The following VPS54 variants were observed in gnomAD, a reference collection of about 807,000 sequenced individuals.
VPS54 encodes vacuolar protein sorting-associated protein 54.
A neutral mutation model predicts 121.5 loss-of-function variants in VPS54; 45 were observed. The ratio of observed to expected loss-of-function variants is 0.37; its 90% CI spans 0.29 to 0.47. The LOEUF (loss-of-function observed/expected upper bound fraction) is 0.47, where lower values mean the gene tolerates loss of function less well. Ranked by LOEUF, VPS54 falls within the 20% of genes least tolerant of loss-of-function variation. The pLI, the probability that VPS54 is intolerant of heterozygous loss-of-function variation, is 0.99. For missense variants in VPS54, 1,090 were observed against 1,131.4 expected (o/e 0.96, Z 0.52); for synonymous variants, 371 against 385.8 (o/e 0.96, Z 0.45).
At chr2:63,911,813 G>A (rs138115524) in intron 20 of VPS54, among the ~76,000 whole-genome samples, 111 of 152,328 alleles carry the variant, frequency 7.3e-4, no homozygotes, top group African/African-American at 2.5e-3. Context: ...CCACTAAGAC[G>A]TGAATTGAAA....
At chr2:63,915,018 C>T (rs1275407024) in intron 16 of VPS54, among the ~76,000 whole-genome samples, 1 of 151,288 alleles carries the variant, frequency 6.6e-6, no homozygotes, top group Non-Finnish European at 1.5e-5. Flanking sequence ...GGGCGTGGTG[C>T]TGCACATCTG....
At chr2:64,007,022 G>T (rs993422916) in intron 1 of VPS54, among the ~76,000 whole-genome samples, 1 of 152,144 alleles carries the variant, frequency 6.6e-6, no homozygotes, top group African/African-American at 2.4e-5. Context: ...TCCTCTTCTG[G>T]CGTCCTTTTC....
chr2:64,015,030 A>G (rs1052416693), intron 1 of VPS54, among the ~76,000 whole-genome samples: 23 of 152,232 alleles, frequency 1.5e-4, no homozygotes, highest in African/African-American at 4.6e-4. Flanking sequence ...CATACATAAC[A>G]TAAGTGTTAT....
intron 1 of VPS54, among the ~76,000 whole-genome samples, chr2:64,012,702 AAAAG>A (rs1410408932): frequency 7.0e-6 from 1 of 143,330 alleles, no homozygotes; most frequent in Non-Finnish European, 1.5e-5. Flanking sequence ...AAAAAAAAAA[AAAAG>A]AAAAGAAAAT....
intron 20 of VPS54, among the ~76,000 whole-genome samples, chr2:63,904,303 G>T (rs752988010): frequency 1.1e-4 from 17 of 151,746 alleles, no homozygotes; most frequent in Admixed American, 4.6e-4. Flanking sequence ...GCTGGGCGTG[G>T]TGGCAGGCAC....
intron 15 of VPS54, among the ~76,000 whole-genome samples, chr2:63,917,225 A>G (rs1170688241): frequency 6.6e-6 from 1 of 152,036 alleles, no homozygotes; most frequent in African/African-American, 2.4e-5. Flanking sequence ...CACTATCTGT[A>G]TCTATTAAAT....
chr2:63,908,251 A>G (rs1672987853), intron 20 of VPS54, among the ~76,000 whole-genome samples: 2 of 152,132 alleles, frequency 1.3e-5, no homozygotes, highest in Non-Finnish European at 2.9e-5. Flanking sequence ...GGAACAAACC[A>G]CTGACACATG....
At chr2:64,008,161 C>T (rs1253677645) in intron 1 of VPS54, among the ~76,000 whole-genome samples, 1 of 152,030 alleles carries the variant, frequency 6.6e-6, no homozygotes, top group African/African-American at 2.4e-5. Context: ...GTCTGTAATT[C>T]CAGCACTTTG....
chr2:63,949,588 G>C (rs568435551), intron 7 of VPS54, among the ~76,000 whole-genome samples: 1 of 151,966 alleles, frequency 6.6e-6, no homozygotes, highest in Admixed American at 6.6e-5. Context: ...AAAATCCTAT[G>C]GAAAAGAAAA....
rs141429000 is a variant in VPS54, at chr2:63,921,281, A to G, written c.1794T>C (p.Asn598=). The change falls in exon 13 of 23, where the codon AAT becomes AAC. Residue 598 remains asparagine (N), a synonymous_variant. Transcript: ENST00000272322. ...AGGCACTATATAATAATTCCTGGAT[A>G]TTATTTGCCAGCTTTCCTAGCTCTG... is the stretch of plus-strand genomic sequence containing the variant. ...TDSELGKLAN[N]IQELLYSASD... 8.7e-4 allele frequency: 1,402 copies of G among 1,613,252 alleles called. 23 individuals are homozygous for G. The South Asian group carries it at 0.014, about 16-fold the overall frequency.
At chr2:64,002,213 G>A (rs993703949) in intron 1 of VPS54, among the ~76,000 whole-genome samples, 1 of 152,204 alleles carries the variant, frequency 6.6e-6, no homozygotes, top group African/African-American at 2.4e-5. Flanking sequence ...GCTGCATGGG[G>A]GATGGGGGAG....
At position 63,962,141 on chromosome 2, in the gene VPS54, A is replaced by G. The variant is rs771841226; in HGVS notation, c.927T>C (p.Thr309=). 1.9e-6 allele frequency: 3 copies of G among 1,610,216 alleles called. No homozygotes were observed. Residue 309 remains threonine (T), a synonymous_variant, in exon 7 of 23, where the codon ACT becomes ACC. Transcript: ENST00000272322. ...TQPTVQVLLS[T]SEFVGALDLI... ...AGTCCAATGCTCCAACAAATTCAGAAGTAGATAATAACACCTGTACTGTAG... is the reference window on the plus strand; with the variant it reads ...AGTCCAATGCTCCAACAAATTCAGAGGTAGATAATAACACCTGTACTGTAG...
chr2:63,963,087 G>C (rs1025886324), intron 6 of VPS54, among the ~76,000 whole-genome samples: 1 of 151,992 alleles, frequency 6.6e-6, no homozygotes, highest in African/African-American at 2.4e-5. Flanking sequence ...ATCCAAGATA[G>C]ACTGATGGTT....
chr2:64,010,086 C>T (rs1312387145), intron 1 of VPS54, among the ~76,000 whole-genome samples: 1 of 152,094 alleles, frequency 6.6e-6, no homozygotes, highest in African/African-American at 2.4e-5. Flanking sequence ...AGGTGATTCG[C>T]CCACCTCGGC....
intron 12 of VPS54, among the ~76,000 whole-genome samples, chr2:63,922,210 T>C (rs1175765327): frequency 1.3e-5 from 2 of 152,176 alleles, no homozygotes; most frequent in Non-Finnish European, 2.9e-5. Context: ...AATGTAAAAC[T>C]TTCTATTTTT....
chr2:63,906,200 A>G (rs1672896840), intron 20 of VPS54, among the ~76,000 whole-genome samples: 1 of 152,232 alleles, frequency 6.6e-6, no homozygotes, highest in African/African-American at 2.4e-5. Context: ...CAAGGAAAAG[A>G]AATAAAAGGT....
chr2:63,919,677 G>A (rs1673549693), intron 15 of VPS54, among the ~76,000 whole-genome samples: 1 of 152,042 alleles, frequency 6.6e-6, no homozygotes, highest in Non-Finnish European at 1.5e-5. Context: ...ACATGGTCCA[G>A]TGTCTGGCAT....
At chr2:63,968,926 A>C (rs1287496912) in intron 5 of VPS54, 31 bp downstream of exon 5, 7 of 1,578,530 alleles carry the variant, frequency 4.4e-6, no homozygotes, top group Non-Finnish European at 6.0e-6. Flanking sequence ...AAATATTATA[A>C]GGCAATTTTC....
chr2:64,010,287 T>C (rs1678370710), intron 1 of VPS54, among the ~76,000 whole-genome samples: 1 of 152,228 alleles, frequency 6.6e-6, no homozygotes, highest in South Asian at 2.1e-4. Context: ...GACCTAATTT[T>C]TTTAAAAGTC....
Sources: allele counts gnomAD v4.1 joint callset (sites outside exome capture counted in the v4.1 genomes callset), GRCh38; gene constraint gnomAD v4.1.1; transcripts MANE v1.5; gene names NCBI Gene and HGNC (gene_info 2026-07-23, HGNC 2026-07-21).